Variants in PUDP observed in about 807,000 individuals in gnomAD.
The protein encoded by PUDP is pseudouridine-5'-phosphatase.
A neutral mutation model predicts 9.4 loss-of-function variants in PUDP; 8 were observed. That is an observed-to-expected ratio of 0.85 (90% CI 0.50 to 1.53). PUDP has a LOEUF of 1.53. Among genes scored for constraint, PUDP ranks in the 40% most tolerant of loss-of-function variants. The pLI, the probability that PUDP is intolerant of heterozygous loss-of-function variation, is 0.00. For synonymous variants in PUDP, 99 were observed against 80.7 expected, an observed-to-expected ratio of 1.23 and a Z score of -1.22; for missense variants, 188 against 189.7, an observed-to-expected ratio of 0.99 and a Z score of 0.05.
At chrX:6,818,995 C>T (rs1926294900) in intron 3 of PUDP, among the ~76,000 whole-genome samples, 2 of 111,708 alleles carry the variant, frequency 1.8e-5, no homozygotes, top group Admixed American at 1.9e-4. Flanking sequence ...TCATTCTCTT[C>T]CTTCTTGCTG....
intron 2 of PUDP, among the ~76,000 whole-genome samples, chrX:7,089,736 G>C (rs1454090325): frequency 8.9e-6 from 1 of 111,816 alleles, no homozygotes; most frequent in African/African-American, 3.3e-5. Flanking sequence ...CTCACGCACT[G>C]TTTACAGCTA....
At chrX:7,051,097 T>C (rs928611929) in intron 3 of PUDP, among the ~76,000 whole-genome samples, 1 of 111,480 alleles carries the variant, frequency 9.0e-6, no homozygotes, top group Non-Finnish European at 1.9e-5. Context: ...GATACCCACA[T>C]TGAAAATGGG....
chrX:6,824,071 AGT>A (rs199760334), intron 3 of PUDP, among the ~76,000 whole-genome samples: 6,375 of 111,563 alleles, frequency 0.057, 159 homozygotes, highest in South Asian at 0.073. Flanking sequence ...CATCTTGAAT[AGT>A]AGTTTCTATA....
At chrX:7,140,916 T>C (rs983365488) in intron 1 of PUDP, among the ~76,000 whole-genome samples, 3 of 112,009 alleles carry the variant, frequency 2.7e-5, no homozygotes, top group African/African-American at 9.8e-5. Context: ...CGTCAATCTG[T>C]GATGAGTGAT....
At chrX:6,872,541 A>C (rs955965416) in intron 3 of PUDP, among the ~76,000 whole-genome samples, 2 of 109,057 alleles carry the variant, frequency 1.8e-5, no homozygotes, top group Non-Finnish European at 3.8e-5. Flanking sequence ...TCTACTAAAA[A>C]TACAAAAATT....
intron 3 of PUDP, among the ~76,000 whole-genome samples, chrX:7,076,451 T>C (rs1161210834): frequency 8.9e-6 from 1 of 111,912 alleles, no homozygotes; most frequent in Non-Finnish European, 1.9e-5. Flanking sequence ...GATTCTGGAA[T>C]CTGTACCTGC....
intron 3 of PUDP, among the ~76,000 whole-genome samples, chrX:7,058,009 T>C (rs939113407): frequency 1.8e-5 from 2 of 111,048 alleles, no homozygotes; most frequent in Non-Finnish European, 3.8e-5. Context: ...CCCGTGGCAC[T>C]TGCCCACCAT....
At chrX:6,892,222 G>A (rs1262039079) in intron 3 of PUDP, among the ~76,000 whole-genome samples, 1 of 112,094 alleles carries the variant, frequency 8.9e-6, no homozygotes, top group African/African-American at 3.2e-5. Flanking sequence ...TAAATGTGGT[G>A]TTCCATATTA....
chrX:7,009,247 T>C lies in PUDP; in HGVS notation c.205-30904A>G, dbSNP rs920485998. The stretch of plus-strand genomic sequence containing the variant: ...TTCTTTAGTTGGTATATTCTTCCTA[T>C]GAATCAAAGGAATACAGTGTTATGA... On this transcript the variant is annotated intron_variant and NMD_transcript_variant, in intron 1 of 3. Coordinates refer to the PUDP transcript ENST00000655425. 6.2e-5 allele frequency among the ~76,000 whole-genome samples: 7 copies of C among 112,204 alleles called. 1 individual carries two copies. The highest frequency in any genetic ancestry group is 1.9e-4 in the African/African-American group (6 of 30,821).
downstream of PUDP, among the ~76,000 whole-genome samples, chrX:7,043,922 A>G (rs774738909): frequency 8.9e-6 from 1 of 112,419 alleles, no homozygotes; most frequent in South Asian, 3.7e-4. Flanking sequence ...ATTCTATAAG[A>G]ACTTTGAGAC....
chrX:6,767,907 G>A (rs1003804284), intron 3 of PUDP, among the ~76,000 whole-genome samples: 6 of 110,983 alleles, frequency 5.4e-5, no homozygotes, highest in African/African-American at 2.0e-4. Flanking sequence ...TCCGAATCTG[G>A]GGTGTCTCTG....
At chrX:7,104,822 A>G (rs1931833229) in intron 2 of PUDP, among the ~76,000 whole-genome samples, 1 of 112,272 alleles carries the variant, frequency 8.9e-6, no homozygotes, top group Admixed American at 9.5e-5. Flanking sequence ...ATATGTATAA[A>G]TATAAATAAT....
intron 3 of PUDP, among the ~76,000 whole-genome samples, chrX:6,801,979 G>A (rs1337138247): frequency 1.8e-5 from 2 of 111,746 alleles, no homozygotes; most frequent in Admixed American, 9.5e-5. Flanking sequence ...TGTTACCAAC[G>A]CAGTATTTTT....
chrX:6,756,734 T>G (rs918638486), intron 3 of PUDP, among the ~76,000 whole-genome samples: 1 of 112,614 alleles, frequency 8.9e-6, no homozygotes. Flanking sequence ...TTTTGTTTCC[T>G]GTGGTTTTAT....
intron 3 of PUDP, among the ~76,000 whole-genome samples, chrX:6,753,652 T>G (rs931686112): frequency 2.7e-5 from 3 of 112,291 alleles, no homozygotes; most frequent in Non-Finnish European, 5.6e-5. Flanking sequence ...TTTGTTTTTT[T>G]GATTGTGTCC....
intron 1 of PUDP, among the ~76,000 whole-genome samples, chrX:7,143,032 C>A (rs1932812424): frequency 9.0e-6 from 1 of 111,223 alleles, no homozygotes; most frequent in Non-Finnish European, 1.9e-5. Context: ...ATTGCCACAG[C>A]CACCCCAACC....
At chrX:6,935,971 C>T (rs1441505018) in intron 3 of PUDP, among the ~76,000 whole-genome samples, 5 of 106,423 alleles carry the variant, frequency 4.7e-5, no homozygotes, top group Non-Finnish European at 9.7e-5. Flanking sequence ...ATAACAGGAT[C>T]TGAAATTGTG....
intron 3 of PUDP, among the ~76,000 whole-genome samples, chrX:6,744,955 T>C (rs919877421): frequency 3.6e-5 from 4 of 112,008 alleles, no homozygotes; most frequent in African/African-American, 9.7e-5. Context: ...ACGAGTTAGA[T>C]TGGCGAAAAG....
chrX:6,912,641 T>A (rs150533794), intron 3 of PUDP, among the ~76,000 whole-genome samples: 6 of 112,170 alleles, frequency 5.3e-5, no homozygotes, highest in Non-Finnish European at 1.1e-4. Flanking sequence ...GTGAGGTAGT[T>A]TTGTCCTGTT....
Sources: allele counts gnomAD v4.1 joint callset (sites outside exome capture counted in the v4.1 genomes callset), GRCh38; gene constraint gnomAD v4.1.1; transcripts MANE v1.5; gene names NCBI Gene and HGNC (gene_info 2026-07-23, HGNC 2026-07-21).